Variants in ACTR3 observed in about 807,000 individuals in gnomAD.
The protein encoded by ACTR3 is actin related protein 3, also known as actin-related protein 3.
Under a neutral mutation model 56.8 loss-of-function variants are expected in ACTR3, and 12 were observed. The observed-to-expected ratio is 0.21, with a 90% CI of 0.14 to 0.34. The LOEUF (loss-of-function observed/expected upper bound fraction) is 0.34. ACTR3 is among the 10% of genes least tolerant of loss of function. ACTR3 has a pLI of 1.00. For missense variants in ACTR3, 282 were observed against 512.5 expected (o/e 0.55, Z 4.34); for synonymous variants, 162 against 167.4 (o/e 0.97, Z 0.25).
rs202103445 is a variant in ACTR3, at chr2:113,895,734, CT to C, written c.44+5414del. Among the ~76,000 whole-genome samples the C allele has an allele frequency of 9.8e-3, 1,496 of 152,240 alleles. 19 individuals carry two copies. The highest frequency in any genetic ancestry group is 0.027 in the Middle Eastern group (8 of 294). The stretch of plus-strand genomic sequence containing the variant: ...TTATTTTATTTACGGGTAGCAAAGG[CT>C]TTGTAGTTATCTGTTGTTGAGTTCA... On this transcript the variant is annotated intron_variant, in intron 1 of 11. Transcript: ENST00000263238.
chr2:113,920,688 C>T (rs992739383), intron 3 of ACTR3, among the ~76,000 whole-genome samples: 2 of 152,170 alleles, frequency 1.3e-5, no homozygotes, highest in African/African-American at 4.8e-5. Context: ...TTTCTACTCT[C>T]TACTTACATG....
intron 1 of ACTR3, among the ~76,000 whole-genome samples, chr2:113,893,270 G>GT (rs1340761203): frequency 6.7e-6 from 1 of 149,974 alleles, no homozygotes; most frequent in African/African-American, 2.5e-5. Flanking sequence ...TTTTAAATGT[G>GT]TTTTTTGCTT....
intron 1 of ACTR3, among the ~76,000 whole-genome samples, chr2:113,901,643 G>A (rs1679101963): frequency 1.3e-5 from 2 of 152,198 alleles, no homozygotes; most frequent in African/African-American, 4.8e-5. Flanking sequence ...AAAGAGTTGT[G>A]CTAGATCATT....
intron 1 of ACTR3, among the ~76,000 whole-genome samples, chr2:113,894,586 C>T (rs1382407561): frequency 6.6e-6 from 1 of 151,462 alleles, no homozygotes; most frequent in African/African-American, 2.4e-5. Flanking sequence ...TCCCTCCTTT[C>T]CTGCCTGCCA....
intron 6 of ACTR3, among the ~76,000 whole-genome samples, chr2:113,938,207 A>ATCT (rs1327151552): frequency 6.6e-6 from 1 of 151,584 alleles, no homozygotes; most frequent in African/African-American, 2.4e-5. Flanking sequence ...GTCTTTTTAT[A>ATCT]TCTTCCATTT....
intron 3 of ACTR3, among the ~76,000 whole-genome samples, chr2:113,925,901 T>C (rs1679611500): frequency 6.6e-6 from 1 of 152,234 alleles, no homozygotes; most frequent in Admixed American, 6.5e-5. Context: ...CATGGAATTA[T>C]ATTCTGTTGC....
intron 11 of ACTR3, among the ~76,000 whole-genome samples, chr2:113,956,686 G>A (rs190006263): frequency 1.5e-3 from 232 of 152,256 alleles, no homozygotes; most frequent in Admixed American, 2.8e-3. Flanking sequence ...AAGTATTGGT[G>A]CTTTGTTCTG....
chr2:113,951,663 TA>T, intron 9 of ACTR3, 56 bp from the exon 10 acceptor site: 1 of 1,474,100 alleles, frequency 6.8e-7, no homozygotes, highest in Non-Finnish European at 9.2e-7. Flanking sequence ...CAGTACTATA[TA>T]TTATATCTTT....
At chr2:113,902,508 C>T (rs1203078721) in intron 1 of ACTR3, among the ~76,000 whole-genome samples, 2 of 151,934 alleles carry the variant, frequency 1.3e-5, no homozygotes, top group African/African-American at 4.8e-5. Flanking sequence ...CCAAAATCAG[C>T]ATTGTAGATT....
intron 1 of ACTR3, among the ~76,000 whole-genome samples, chr2:113,896,216 T>C (rs1343466163): frequency 6.6e-6 from 1 of 152,212 alleles, no homozygotes; most frequent in Non-Finnish European, 1.5e-5. Context: ...GCACAGTGCC[T>C]GGCACACAGT....
chr2:113,919,036 A>G (rs765445147), intron 3 of ACTR3, among the ~76,000 whole-genome samples: 1 of 152,208 alleles, frequency 6.6e-6, no homozygotes, highest in Admixed American at 6.5e-5. Context: ...CTATCATACA[A>G]CTTTGGTGGT....
chr2:113,894,469 A>C (rs147828416), intron 1 of ACTR3, among the ~76,000 whole-genome samples: 74 of 152,348 alleles, frequency 4.9e-4, no homozygotes, highest in Middle Eastern at 3.4e-3. Context: ...CACTCATTGA[A>C]ATTCTTATTC....
intron 1 of ACTR3, among the ~76,000 whole-genome samples, chr2:113,912,832 C>T (rs1014032360): frequency 6.6e-6 from 1 of 152,150 alleles, no homozygotes; most frequent in Non-Finnish European, 1.5e-5. Flanking sequence ...ATAGTATAAA[C>T]TTAGCATATT....
Position 113,960,337 on chromosome 2 carries a change from C to T in ACTR3, c.*2882C>T, listed in dbSNP as rs1312499241. 1 of 151,836 alleles carries T rather than the reference C, an allele frequency of 6.6e-6. No individual in the cohort carries two copies. Among genetic ancestry groups the T allele is most frequent in the Non-Finnish European group, 1.5e-5 (1 of 67,866 alleles). The allele number at this position is 151,836 out of a possible 1,614,324, so 9.4% of individuals were successfully genotyped here. On this transcript the variant is annotated 3_prime_UTR_variant, in exon 12 of 12. Coordinates refer to ENST00000263238, the MANE Select transcript of ACTR3 (RefSeq NM_005721.5). ...GGAGATAAAGTGGTTATTCAGACCC[C>T]CCAATACAATTTTTTGGTTTGTTTT...
rs371221459 is a variant in ACTR3, at chr2:113,924,027, C to T, written c.226-3318C>T. On this transcript the variant is annotated intron_variant, in intron 3 of 11. Coordinates refer to ENST00000263238, the MANE Select transcript of ACTR3 (RefSeq NM_005721.5). ...TCCATCCTAACTTCAAAGCTGGAAA[C>T]CTGTTGGCATCTTCTGACTTTTTTC... Among the ~76,000 whole-genome samples, 22 of 151,506 alleles carry T rather than the reference C, an allele frequency of 1.5e-4. No homozygotes were observed. In the East Asian group the frequency reaches 4.3e-3, roughly 29 times the overall value.
intron 6 of ACTR3, among the ~76,000 whole-genome samples, chr2:113,934,974 A>T (rs1328310384): frequency 6.6e-6 from 1 of 152,110 alleles, no homozygotes; most frequent in African/African-American, 2.4e-5. Flanking sequence ...AGAAAGGTTT[A>T]TCTTTTAAAG....
intron 9 of ACTR3, 41 bp from the exon 10 acceptor site, chr2:113,951,679 T>G (rs1452048094): frequency 6.7e-7 from 1 of 1,492,610 alleles, no homozygotes; most frequent in Non-Finnish European, 9.1e-7. Flanking sequence ...ATCTTTAAAC[T>G]TTTCTCTTTT....
chr2:113,946,789 T>C (rs1680030926), intron 8 of ACTR3, among the ~76,000 whole-genome samples: 1 of 152,240 alleles, frequency 6.6e-6, no homozygotes, highest in African/African-American at 2.4e-5. Context: ...TATAATTTGC[T>C]TCATTTTGTT....
At position 113,931,387 on chromosome 2, in the gene ACTR3, T is replaced by A. The variant is rs374819129; in HGVS notation, c.423T>A (p.Ile141=). 4 of 1,581,264 alleles carry A rather than the reference T, an allele frequency of 2.5e-6. No individual in the cohort carries two copies. The highest frequency in any genetic ancestry group is 3.4e-6 in the Non-Finnish European group (4 of 1,165,008). ...CCTTCAATGTTCCAGGCTTGTACAT[T>A]GCTGTGCAGGTAAGCAAGTTCATAC... ...FESFNVPGLY[I]AVQAVLALAA... The change falls in exon 5 of 12, where the codon ATT becomes ATA. Residue 141 remains isoleucine (I), a synonymous_variant. Transcript: ENST00000263238.
Sources: allele counts gnomAD v4.1 joint callset (sites outside exome capture counted in the v4.1 genomes callset), GRCh38; gene constraint gnomAD v4.1.1; transcripts MANE v1.5; gene names NCBI Gene and HGNC (gene_info 2026-07-23, HGNC 2026-07-21).